The following GPLD1 variants were observed in gnomAD, a reference collection of about 807,000 sequenced individuals.
GPLD1 encodes the protein phosphatidylinositol-glycan-specific phospholipase D.
A neutral mutation model predicts 112.6 loss-of-function variants in GPLD1; 84 were observed. The observed-to-expected ratio is 0.75, with a 90% CI of 0.63 to 0.89. The LOEUF (loss-of-function observed/expected upper bound fraction) is 0.89. Among genes scored for constraint, GPLD1 ranks in the 40% least tolerant of loss-of-function variants. The pLI is 0.00. For synonymous variants in GPLD1, 386 were observed against 403.8 expected (o/e 0.96, Z 0.53); for missense variants, 1,044 against 1,051.5 (o/e 0.99, Z 0.10).
At position 24,465,209 on chromosome 6, in the gene GPLD1, A is replaced by G. The variant is rs1269645981; in HGVS notation, c.821+1471T>C. Among the ~76,000 whole-genome samples, 57 of 107,334 alleles carry G rather than the reference A, an allele frequency of 5.3e-4. No individual in the cohort carries two copies. In the East Asian group the frequency reaches 6.3e-3, roughly 12 times the overall value. The allele number at this position is 107,334 out of a possible 152,430, so 70.4% of individuals were successfully genotyped here. A position where few individuals can be genotyped will look rare whatever the true frequency, so the allele number is the denominator to read the frequency against. ...AAGACTCTGTCTCAAAAAAAAAAAA[A>G]AAAAGAAAAGAAAAGAAAAGAAAAG... On this transcript the variant is annotated intron_variant, in intron 10 of 24. Coordinates refer to ENST00000230036, the MANE Select transcript of GPLD1 (RefSeq NM_001503.4).
At position 24,449,857 on chromosome 6, in the gene GPLD1, T is replaced by G. The variant is rs374576707; in HGVS notation, c.1378A>C (p.Asn460His). ...FGSALAVLDF[N>H]VDGVPDLAVG... ...GCCAGGTCAGGCACGCCGTCCACGT[T>G]AAAGTCCAACACAGCCAAGGCCGAG... The change falls in exon 15 of 25, where the codon AAC becomes CAC. Residue 460 changes from asparagine (N) to histidine (H), a missense_variant. Physicochemically the swap from Asn to His is moderately conservative, Grantham distance 68 (BLOSUM62 1). Coordinates refer to ENST00000230036, the MANE Select transcript of GPLD1 (RefSeq NM_001503.4). The G allele has an allele frequency of 6.2e-7, 1 of 1,613,626 alleles. No homozygotes were observed. Among genetic ancestry groups the G allele is most frequent in the East Asian group, 2.2e-5 (1 of 44,844 alleles).
upstream of GPLD1, among the ~76,000 whole-genome samples, chr6:24,493,570 C>T (rs866655603): frequency 6.6e-6 from 1 of 152,162 alleles, no homozygotes; most frequent in Non-Finnish European, 1.5e-5. Context: ...GATGTAAACA[C>T]GCCAGCTCCC....
At chr6:24,480,791 T>C (rs979376846) in intron 2 of GPLD1, among the ~76,000 whole-genome samples, 1 of 152,210 alleles carries the variant, frequency 6.6e-6, no homozygotes, top group Non-Finnish European at 1.5e-5. Context: ...CTGCATGCTA[T>C]AGGCTAGAAA....
At chr6:24,425,177 A>G (rs1043559009), downstream of GPLD1, 6 of 152,168 alleles carry the variant, frequency 3.9e-5, no homozygotes, top group African/African-American at 1.4e-4. Flanking sequence ...CACAGGGCAC[A>G]CTTTTGGCAC....
intron 22 of GPLD1, chr6:24,433,621 T>C (rs1031520661): frequency 4.7e-6 from 2 of 428,388 alleles, no homozygotes; most frequent in South Asian, 5.9e-5. Context: ...GCCTCGTGAG[T>C]TGATGGAATT....
At chr6:24,439,800 G>A (rs1323409054) in intron 20 of GPLD1, among the ~76,000 whole-genome samples, 1 of 152,214 alleles carries the variant, frequency 6.6e-6, no homozygotes, top group Non-Finnish European at 1.5e-5. Flanking sequence ...CCAAATTCTA[G>A]AATGCTACTA....
intron 7 of GPLD1, among the ~76,000 whole-genome samples, chr6:24,468,214 C>T (rs1217750211): frequency 6.6e-6 from 1 of 152,130 alleles, no homozygotes; most frequent in African/African-American, 2.4e-5. Flanking sequence ...CCCTCCCAAT[C>T]TATTTCTAAG....
intron 20 of GPLD1, among the ~76,000 whole-genome samples, chr6:24,441,502 C>G (rs531156255): frequency 6.6e-6 from 1 of 152,140 alleles, no homozygotes; most frequent in Non-Finnish European, 1.5e-5. Flanking sequence ...AGTTACGACA[C>G]GAGAGTCCTG....
intron 7 of GPLD1, among the ~76,000 whole-genome samples, chr6:24,467,520 G>C (rs1763658758): frequency 6.6e-6 from 1 of 152,146 alleles, no homozygotes; most frequent in Admixed American, 6.6e-5. Context: ...ATGATGCAGA[G>C]CAAACAACTG....
intron 11 of GPLD1, 121 bp downstream of exon 11, chr6:24,462,609 G>T: frequency 2.9e-6 from 2 of 683,710 alleles, no homozygotes; most frequent in Non-Finnish European, 5.3e-6. Flanking sequence ...AGCTGCAAGT[G>T]ACAAATCTGG....
intron 7 of GPLD1, among the ~76,000 whole-genome samples, chr6:24,472,279 G>A (rs549027981): frequency 6.6e-6 from 1 of 152,184 alleles, no homozygotes; most frequent in East Asian, 1.9e-4. Flanking sequence ...TTTAACAGTT[G>A]GACAATACCA....
At position 24,495,008 on chromosome 6, in the gene GPLD1, C is replaced by T. The variant is rs764183507; in HGVS notation, n.198G>A. On this transcript the variant is annotated non_coding_transcript_exon_variant, in exon 1 of 11. Coordinates refer to the GPLD1 transcript ENST00000474784. ...TCGTTGCCCGGGCCATGGCGACCTG[C>T]ATTTGGCTGCGGAGCTGTGGGGCCC... 4.4e-5 allele frequency: 58 copies of T among 1,325,790 alleles called. No individual in the cohort carries two copies. Among genetic ancestry groups the T allele is most frequent in the Non-Finnish European group, 2.2e-5 (23 of 1,040,888 alleles). The allele number at this position is 1,325,790 out of a possible 1,614,324, so 82.1% of individuals were successfully genotyped here.
chr6:24,439,641 A>G (rs1009865954), intron 20 of GPLD1, among the ~76,000 whole-genome samples: 1 of 152,216 alleles, frequency 6.6e-6, no homozygotes, highest in Non-Finnish European at 1.5e-5. Flanking sequence ...CAATCATGCA[A>G]ATTAAACAAT....
chr6:24,448,867 C>A (rs913053921), intron 15 of GPLD1, among the ~76,000 whole-genome samples: 1 of 152,104 alleles, frequency 6.6e-6, no homozygotes, highest in African/African-American at 2.4e-5. Context: ...CTGTCTCCAT[C>A]CCCATTCATT....
At chr6:24,462,067 T>C (rs970888680) in intron 11 of GPLD1, among the ~76,000 whole-genome samples, 2 of 152,222 alleles carry the variant, frequency 1.3e-5, no homozygotes, top group Non-Finnish European at 2.9e-5. Flanking sequence ...TAAATTTTCA[T>C]GTAAAATCTG....
At chr6:24,443,217 A>T (rs764562059) in intron 20 of GPLD1, among the ~76,000 whole-genome samples, 1 of 152,198 alleles carries the variant, frequency 6.6e-6, no homozygotes, top group Admixed American at 6.5e-5. Context: ...TTTTAAAGGA[A>T]GGGGAACCGA....
At position 24,426,254 on chromosome 6, in the gene GPLD1, TTTAG is replaced by T. The variant is rs1166826881; in HGVS notation, c.*2774_*2777del. 4 of 152,252 alleles carry T rather than the reference TTTAG, an allele frequency of 2.6e-5. No homozygotes were observed. The highest frequency in any genetic ancestry group is 5.9e-5 in the Non-Finnish European group (4 of 68,050). The allele number at this position is 152,252 out of a possible 1,614,324, so 9.4% of individuals were successfully genotyped here. On this transcript the variant is annotated 3_prime_UTR_variant, in exon 25 of 25. Coordinates refer to ENST00000230036, the MANE Select transcript of GPLD1 (RefSeq NM_001503.4). The stretch of plus-strand genomic sequence containing the variant: ...ACCCTACAAGGTAAGGTCTTTACAT[TTTAG>T]TTATTAAGCAGAATCAATGCTTAAA...
chr6:24,447,784 A>G, intron 17 of GPLD1, 93 bp downstream of exon 17: 1 of 1,166,572 alleles, frequency 8.6e-7, no homozygotes. Flanking sequence ...AATGATATGG[A>G]ATAAGGAAAA....
chr6:24,475,215 A>G lies in GPLD1; in HGVS notation c.347T>C (p.Val116Ala), dbSNP rs758707827. The G allele has an allele frequency of 6.2e-7, 1 of 1,603,454 alleles. No individual in the cohort carries two copies. The highest frequency in any genetic ancestry group is 1.1e-5 in the South Asian group (1 of 90,846). The change falls in exon 5 of 25, where the codon GTA (valine) becomes GCA (alanine). Residue 116 changes from valine to alanine, a missense_variant. Transcript: ENST00000230036. Reference sequence around the variant, plus strand: ...AGAAGTAATTCCAAACAAGAAAGCTACCAGTTTCTCTGTGTCCTGCCAAAC... The same window carrying G: ...AGAAGTAATTCCAAACAAGAAAGCTGCCAGTTTCTCTGTGTCCTGCCAAAC... The part of the protein sequence containing the change: ...LPWEKDTEKL[V>A]AFLFGITSHM...
Sources: allele counts gnomAD v4.1 joint callset (sites outside exome capture counted in the v4.1 genomes callset), GRCh38; gene constraint gnomAD v4.1.1; transcripts MANE v1.5; gene names NCBI Gene and HGNC (gene_info 2026-07-23, HGNC 2026-07-21).